The following WDR70 variants were observed in gnomAD, a reference collection of about 807,000 sequenced individuals.
WDR70 encodes WD repeat domain 70.
Under a neutral mutation model 88.6 loss-of-function variants are expected in WDR70, and 53 were observed. The ratio of observed to expected loss-of-function variants is 0.60; its 90% CI spans 0.48 to 0.75. The LOEUF is 0.75. Ranked by LOEUF, WDR70 falls within the 30% of genes least tolerant of loss-of-function variation. The pLI, the probability that WDR70 is intolerant of heterozygous loss-of-function variation, is 0.00. For missense variants in WDR70, 610 were observed against 823.2 expected, an observed-to-expected ratio of 0.74 and a Z score of 3.17; for synonymous variants, 280 against 270.0, an observed-to-expected ratio of 1.04 and a Z score of -0.36.
intron 8 of WDR70, among the ~76,000 whole-genome samples, chr5:37,509,097 T>A (rs1461765356): frequency 2.6e-5 from 4 of 152,148 alleles, no homozygotes; most frequent in African/African-American, 9.7e-5. Flanking sequence ...GGTGGTAATT[T>A]GTGTCTTCTC....
chr5:37,691,445 G>C (rs1746791832), intron 10 of WDR70, among the ~76,000 whole-genome samples: 1 of 152,104 alleles, frequency 6.6e-6, no homozygotes, highest in South Asian at 2.1e-4. Context: ...TTCCAAAATT[G>C]ACCACATAGT....
chr5:37,593,992 T>G (rs1743619408), intron 9 of WDR70, among the ~76,000 whole-genome samples: 1 of 152,198 alleles, frequency 6.6e-6, no homozygotes, highest in Non-Finnish European at 1.5e-5. Flanking sequence ...CACTTTTTGA[T>G]GGTGTTGTTT....
chr5:37,711,460 G>A (rs749443632), intron 13 of WDR70, among the ~76,000 whole-genome samples: 1 of 151,918 alleles, frequency 6.6e-6, no homozygotes, highest in Non-Finnish European at 1.5e-5. Context: ...TTTATTTTTA[G>A]CCTCACATTC....
chr5:37,383,071 A>C (rs1171454469), intron 3 of WDR70, among the ~76,000 whole-genome samples: 4 of 151,992 alleles, frequency 2.6e-5, no homozygotes, highest in Admixed American at 2.6e-4. Context: ...TCCATCTTAA[A>C]ATAAAATAAG....
chr5:37,544,174 T>C (rs562170313), intron 9 of WDR70, among the ~76,000 whole-genome samples: 55 of 152,298 alleles, frequency 3.6e-4, no homozygotes, highest in African/African-American at 1.3e-3. Flanking sequence ...ATTGTCTGCA[T>C]TGGATTATAC....
At chr5:37,396,665 A>G (rs1382228546) in intron 5 of WDR70, 95 bp downstream of exon 5, 1 of 1,433,182 alleles carries the variant, frequency 7.0e-7, no homozygotes, top group South Asian at 1.6e-5. Context: ...GTAAGAGCCA[A>G]TTTAAAAACT....
intron 10 of WDR70, among the ~76,000 whole-genome samples, chr5:37,645,338 GT>G (rs1298237148): frequency 1.3e-5 from 2 of 151,786 alleles, no homozygotes; most frequent in African/African-American, 2.4e-5. Flanking sequence ...TTATTCCATT[GT>G]GGTCAGAGAA....
intron 8 of WDR70, among the ~76,000 whole-genome samples, chr5:37,508,201 G>A (rs990726581): frequency 1.3e-5 from 2 of 152,156 alleles, no homozygotes; most frequent in Non-Finnish European, 2.9e-5. Context: ...GTATTAGGAG[G>A]TGGGGGCCTT....
intron 10 of WDR70, among the ~76,000 whole-genome samples, chr5:37,672,114 T>C (rs1746042516): frequency 6.6e-6 from 1 of 152,180 alleles, no homozygotes; most frequent in South Asian, 2.1e-4. Flanking sequence ...ACAATATGTT[T>C]ACAGGCAGTA....
intron 9 of WDR70, among the ~76,000 whole-genome samples, chr5:37,548,538 A>G (rs1452443248): frequency 6.6e-6 from 1 of 152,056 alleles, no homozygotes; most frequent in Admixed American, 6.5e-5. Flanking sequence ...TATTTTTGTT[A>G]TTAATCCCTT....
chr5:37,601,669 T>G (rs1446491840), intron 9 of WDR70, among the ~76,000 whole-genome samples: 1 of 152,142 alleles, frequency 6.6e-6, no homozygotes, highest in Non-Finnish European at 1.5e-5. Flanking sequence ...TTTTTGATGG[T>G]GAACTCTTAT....
At chr5:37,594,869 T>C (rs1743654714) in intron 9 of WDR70, among the ~76,000 whole-genome samples, 1 of 152,224 alleles carries the variant, frequency 6.6e-6, no homozygotes, top group South Asian at 2.1e-4. Flanking sequence ...CCTTGTAAGT[T>C]GGATTCCTAG....
At chr5:37,470,132 AAAAC>A (rs1243959824) in intron 7 of WDR70, among the ~76,000 whole-genome samples, 1 of 7,264 alleles carries the variant, frequency 1.4e-4, no homozygotes, top group African/African-American at 1.5e-4. Flanking sequence ...AACAAAAACA[AAAAC>A]AAAAAAAAAC....
intron 9 of WDR70, among the ~76,000 whole-genome samples, chr5:37,554,183 A>G (rs1742231065): frequency 6.7e-6 from 1 of 149,676 alleles, no homozygotes; most frequent in Non-Finnish European, 1.5e-5. Context: ...CTACTAAGTC[A>G]TGTATCTGTT....
chr5:37,489,478 G>A (rs1739996055), intron 8 of WDR70, among the ~76,000 whole-genome samples: 1 of 152,130 alleles, frequency 6.6e-6, no homozygotes, highest in African/African-American at 2.4e-5. Flanking sequence ...CACATAGCTG[G>A]GTGCCAGGTT....
chr5:37,465,713 G>C (rs1739132224), intron 7 of WDR70, among the ~76,000 whole-genome samples: 1 of 140,354 alleles, frequency 7.1e-6, no homozygotes, highest in Non-Finnish European at 1.5e-5. Flanking sequence ...TTTGGAATTA[G>C]AGGTGTAGAA....
chr5:37,457,542 T>C (rs996696981), intron 7 of WDR70, among the ~76,000 whole-genome samples: 5 of 152,216 alleles, frequency 3.3e-5, no homozygotes, highest in Admixed American at 1.3e-4. Context: ...GCATATACCC[T>C]CAGACCAAGT....
intron 10 of WDR70, among the ~76,000 whole-genome samples, chr5:37,608,016 G>A (rs1369884552): frequency 1.3e-5 from 2 of 150,198 alleles, no homozygotes; most frequent in African/African-American, 4.9e-5. Flanking sequence ...TGCACATGTT[G>A]AGCCTGACAG....
chr5:37,589,249 TAC>T (rs57446016), intron 9 of WDR70, among the ~76,000 whole-genome samples: 9,847 of 140,032 alleles, frequency 0.07, 387 homozygotes, highest in African/African-American at 0.11. Context: ...CCTACACACA[TAC>T]ACACACACAC....
Sources: allele counts gnomAD v4.1 joint callset (sites outside exome capture counted in the v4.1 genomes callset), GRCh38; gene constraint gnomAD v4.1.1; transcripts MANE v1.5; gene names NCBI Gene and HGNC (gene_info 2026-07-23, HGNC 2026-07-21).